Variants in NSUN6 observed in about 807,000 individuals in gnomAD.
NSUN6 encodes the protein tRNA (cytosine(72)-C(5))-methyltransferase NSUN6.
A neutral mutation model predicts 58.0 loss-of-function variants in NSUN6; 64 were observed. That is an observed-to-expected ratio of 1.10 (90% CI 0.90 to 1.36). The LOEUF is 1.36. Ranked by LOEUF, NSUN6 falls within the 40% of genes most tolerant of loss-of-function variation. NSUN6 has a pLI of 0.00. For missense variants in NSUN6, 701 were observed against 550.1 expected (o/e 1.27, Z -2.74); for synonymous variants, 231 against 193.9 (o/e 1.19, Z -1.59).
At chr10:18,611,978 T>C (rs553252547) in intron 5 of NSUN6, among the ~76,000 whole-genome samples, 1 of 152,272 alleles carries the variant, frequency 6.6e-6, no homozygotes, top group African/African-American at 2.4e-5. Flanking sequence ...AATCCATGAA[T>C]GTACACTTTT....
At chr10:18,638,922 A>G (rs910163040) in intron 3 of NSUN6, among the ~76,000 whole-genome samples, 6 of 150,040 alleles carry the variant, frequency 4.0e-5, no homozygotes, top group African/African-American at 1.5e-4. Flanking sequence ...TTGGGAAATA[A>G]CAATGTTATA....
intron 6 of NSUN6, among the ~76,000 whole-genome samples, chr10:18,601,686 T>C (rs147542119): frequency 2.2e-3 from 329 of 152,214 alleles, no homozygotes; most frequent in South Asian, 8.1e-3. Flanking sequence ...TTTTTTTACT[T>C]ATAAAAGGAA....
intron 3 of NSUN6, among the ~76,000 whole-genome samples, chr10:18,639,254 G>A (rs1408955350): frequency 6.6e-6 from 1 of 152,168 alleles, no homozygotes; most frequent in African/African-American, 2.4e-5. Context: ...CAGCACTTTG[G>A]GAGGGTGAGG....
chr10:18,564,513 C>A (rs982497517), intron 8 of NSUN6, among the ~76,000 whole-genome samples: 4 of 150,272 alleles, frequency 2.7e-5, no homozygotes, highest in African/African-American at 9.8e-5. Flanking sequence ...TCATTCCATT[C>A]TCCACTCCAT....
At chr10:18,590,600 A>T (rs1048973652) in intron 7 of NSUN6, among the ~76,000 whole-genome samples, 1 of 152,230 alleles carries the variant, frequency 6.6e-6, no homozygotes, top group Non-Finnish European at 1.5e-5. Flanking sequence ...GGATTAAGAA[A>T]CTCACTCAAA....
In NSUN6 at chr10:18,616,165, A is replaced by G; in HGVS notation, c.421+19T>C. 7.6e-7 allele frequency: 1 copy of G among 1,317,074 alleles called. No individual in the cohort carries two copies. The highest frequency in any genetic ancestry group is 1.8e-5 in the Admixed American group (1 of 56,360). 81.6% of individuals were successfully genotyped at this position (1,317,074 alleles called of 1,614,324 possible). A position where few individuals can be genotyped will look rare whatever the true frequency, so the allele number is the denominator to read the frequency against. On this transcript the variant is annotated intron_variant, in intron 4 of 10. Transcript: ENST00000377304. ...AAATTTTAGAGAACCTTAAAGACAAATCTAAACATTATACTTACATTGTGA... is the reference window on the plus strand; with the variant it reads ...AAATTTTAGAGAACCTTAAAGACAAGTCTAAACATTATACTTACATTGTGA...
At chr10:18,578,529 C>T (rs1345068628) in intron 8 of NSUN6, among the ~76,000 whole-genome samples, 2 of 152,104 alleles carry the variant, frequency 1.3e-5, no homozygotes, top group African/African-American at 2.4e-5. Context: ...AGGGCTGCTC[C>T]CTGCACTCAT....
chr10:18,654,855 G>A (rs1431773725), upstream of NSUN6: 2 of 159,586 alleles, frequency 1.3e-5, no homozygotes, highest in Non-Finnish European at 2.7e-5. Context: ...ACTCCAGCCT[G>A]GGCAAGACTC....
At chr10:18,596,146 A>G (rs1032552984) in intron 7 of NSUN6, 62 bp downstream of exon 7, 16 of 1,435,320 alleles carry the variant, frequency 1.1e-5, no homozygotes, top group Admixed American at 3.6e-5. Context: ...TATGTTTCAG[A>G]AATTACACAT....
chr10:18,562,850 G>C (rs1420233368), intron 8 of NSUN6, among the ~76,000 whole-genome samples: 3 of 148,546 alleles, frequency 2.0e-5, no homozygotes, highest in African/African-American at 7.5e-5. Context: ...GCGTGGAATG[G>C]AGATTCTTAT....
At chr10:18,637,254 C>T (rs538795637) in intron 3 of NSUN6, among the ~76,000 whole-genome samples, 33 of 152,258 alleles carry the variant, frequency 2.2e-4, no homozygotes, top group Non-Finnish European at 3.5e-4. Flanking sequence ...TGAGCCACCA[C>T]GCCCGGCCTC....
At chr10:18,560,073 G>GGAATGGAATGGA (rs1003075115) in intron 8 of NSUN6, among the ~76,000 whole-genome samples, 23 of 147,372 alleles carry the variant, frequency 1.6e-4, no homozygotes, top group African/African-American at 5.6e-4. Context: ...AAAATGGAAT[G>GGAATGGAATGGA]GAATGGAATG....
At chr10:18,642,225 G>T (rs908587378) in intron 3 of NSUN6, among the ~76,000 whole-genome samples, 3 of 151,442 alleles carry the variant, frequency 2.0e-5, no homozygotes, top group Admixed American at 1.3e-4. Context: ...GTGGGGGGGG[G>T]AAAACATCAC....
chr10:18,608,323 TTC>T (rs45587935), intron 6 of NSUN6, among the ~76,000 whole-genome samples: 38,375 of 151,894 alleles, frequency 0.25, 5,581 homozygotes, highest in East Asian at 0.73. Context: ...TATACTAGAT[TTC>T]TCTTTTTATA....
intron 8 of NSUN6, among the ~76,000 whole-genome samples, chr10:18,556,266 A>C (rs2055011310): frequency 6.6e-6 from 1 of 151,604 alleles, no homozygotes; most frequent in Non-Finnish European, 1.5e-5. Flanking sequence ...GGAATGAAGA[A>C]TGGAATGGAA....
At position 18,625,687 on chromosome 10, in the gene NSUN6, T is replaced by G. The variant is rs563569779; in HGVS notation, c.312-9394A>C. Among the ~76,000 whole-genome samples, 344 of 117,770 alleles carry G rather than the reference T, an allele frequency of 2.9e-3. 1 individual carries two copies. Among genetic ancestry groups the G allele is most frequent in the African/African-American group, 0.01 (315 of 30,314 alleles). The allele number at this position is 117,770 out of a possible 152,430, so 77.3% of individuals were successfully genotyped here. A position where few individuals can be genotyped will look rare whatever the true frequency, so the allele number is the denominator to read the frequency against. On this transcript the variant is annotated intron_variant, in intron 3 of 10. Coordinates refer to ENST00000377304, the MANE Select transcript of NSUN6 (RefSeq NM_182543.5). The stretch of plus-strand genomic sequence containing the variant: ...GAGATCGCGCCACTGCACTCCAGCC[T>G]GGGTGACAGAGTGAGACTATGTGTT...
chr10:18,547,773 A>G (rs1404746608), intron 10 of NSUN6, among the ~76,000 whole-genome samples: 2 of 149,778 alleles, frequency 1.3e-5, no homozygotes, highest in Non-Finnish European at 3.0e-5. Context: ...AACATTTTCC[A>G]TGTCAGAAAA....
chr10:18,617,711 G>A (rs1214776448), intron 3 of NSUN6, among the ~76,000 whole-genome samples: 2 of 152,064 alleles, frequency 1.3e-5, no homozygotes, highest in African/African-American at 4.8e-5. Flanking sequence ...CGGTCTGGAT[G>A]TGTCCCCCAA....
rs966913898 is a variant in NSUN6, at chr10:18,548,641, G to A, written c.1072-404C>T. On this transcript the variant is annotated intron_variant, in intron 9 of 10. Coordinates refer to ENST00000377304, the MANE Select transcript of NSUN6 (RefSeq NM_182543.5). Reference sequence around the variant, plus strand: ...TTTTAAATAGAGATGAAGTCTCACTGTTGCCCAGTCTTGTCTTACACTCCC... The same window carrying A: ...TTTTAAATAGAGATGAAGTCTCACTATTGCCCAGTCTTGTCTTACACTCCC... 1.1e-4 allele frequency among the ~76,000 whole-genome samples: 17 copies of A among 152,158 alleles called. No individual in the cohort carries two copies. The South Asian group carries it at 1.7e-3, about 15-fold the overall frequency.
Sources: allele counts gnomAD v4.1 joint callset (sites outside exome capture counted in the v4.1 genomes callset), GRCh38; gene constraint gnomAD v4.1.1; transcripts MANE v1.5; gene names NCBI Gene and HGNC (gene_info 2026-07-23, HGNC 2026-07-21).